C2orf76: variants seen among roughly 807,000 people sequenced by gnomAD.
The protein encoded by C2orf76 is chromosome 2 open reading frame 76.
A neutral mutation model predicts 16.9 loss-of-function variants in C2orf76; 23 were observed. The ratio of observed to expected loss-of-function variants is 1.36; its 90% confidence interval spans 0.98 to 1.93. C2orf76 has a LOEUF of 1.93. C2orf76 is among the 30% of genes most tolerant of loss of function. The probability of loss-of-function intolerance (pLI) is 0.00; values close to 1 mark genes in which losing one functional copy is unlikely to be tolerated. For synonymous variants in C2orf76, 48 were observed against 52.3 expected (o/e 0.92, Z 0.35); for missense variants, 152 against 152.6 (o/e 1.00, Z 0.02).
At chr2:119,330,083 G>C (rs1350904403) in intron 2 of C2orf76, among the ~76,000 whole-genome samples, 1 of 151,970 alleles carries the variant, frequency 6.6e-6, no homozygotes, top group East Asian at 1.9e-4. Context: ...CTTTAAAGAA[G>C]TTACTCCAGG....
chr2:119,352,180 G>C (rs1458426067), intron 1 of C2orf76, among the ~76,000 whole-genome samples: 1 of 152,184 alleles, frequency 6.6e-6, no homozygotes, highest in Non-Finnish European at 1.5e-5. Context: ...TTATGCTTAT[G>C]ACCAGAATTT....
intron 2 of C2orf76, among the ~76,000 whole-genome samples, chr2:119,339,413 T>C (rs1679952456): frequency 6.6e-6 from 1 of 152,164 alleles, no homozygotes; most frequent in African/African-American, 2.4e-5. Flanking sequence ...CATGACTTCC[T>C]GCTGTACAGC....
chr2:119,363,250 C>A (rs1045562578), intron 1 of C2orf76, among the ~76,000 whole-genome samples: 1 of 152,036 alleles, frequency 6.6e-6, no homozygotes, highest in Non-Finnish European at 1.5e-5. Context: ...CAGTGAAACC[C>A]CGTCTCTACC....
At chr2:119,336,123 A>T (rs1181780160) in intron 2 of C2orf76, among the ~76,000 whole-genome samples, 2 of 152,178 alleles carry the variant, frequency 1.3e-5, no homozygotes, top group African/African-American at 4.8e-5. Context: ...GGCCAGGTAC[A>T]GTGACTCACA....
At chr2:119,311,918 G>A (rs939680508) in intron 4 of C2orf76, among the ~76,000 whole-genome samples, 1 of 152,082 alleles carries the variant, frequency 6.6e-6, no homozygotes, top group Admixed American at 6.5e-5. Flanking sequence ...TGTGGCATGG[G>A]CGTGAAGTCA....
chr2:119,361,573 T>TTAA (rs1366691890), intron 1 of C2orf76, among the ~76,000 whole-genome samples: 1 of 152,098 alleles, frequency 6.6e-6, no homozygotes, highest in Non-Finnish European at 1.5e-5. Flanking sequence ...AACCTAGAGA[T>TTAA]TATTTAAAGT....
the C2orf76 span, among the ~76,000 whole-genome samples, chr2:119,289,802 C>G: frequency 6.6e-6 from 1 of 151,862 alleles, no homozygotes; most frequent in Non-Finnish European, 1.5e-5. Flanking sequence ...TCTCAGGCCC[C>G]GCTCGTAGCC....
At chr2:119,286,734 G>A in the C2orf76 span, among the ~76,000 whole-genome samples, 8 of 152,170 alleles carry the variant, frequency 5.3e-5, no homozygotes, top group South Asian at 4.1e-4. Flanking sequence ...CTCGGTGGAT[G>A]AGAGTCTGCA....
At chr2:119,319,404 C>T (rs1679277290) in intron 3 of C2orf76, among the ~76,000 whole-genome samples, 1 of 152,154 alleles carries the variant, frequency 6.6e-6, no homozygotes, top group Non-Finnish European at 1.5e-5. Flanking sequence ...TAAGCTGCTT[C>T]CCTTGTTCTT....
chr2:119,321,923 A>G (rs779519481), intron 2 of C2orf76, among the ~76,000 whole-genome samples: 24 of 151,944 alleles, frequency 1.6e-4, no homozygotes, highest in Non-Finnish European at 7.4e-5. Context: ...GTCTTTGGCC[A>G]TTAGTGGAAA....
At position 119,311,673 on chromosome 2, in the gene C2orf76, C is replaced by A; in HGVS notation, c.253G>T (p.Asp85Tyr). The change falls in exon 5 of 6, where the codon GAC becomes TAC. Residue 85 changes from aspartate (D) to tyrosine (Y), a missense_variant. Coordinates refer to ENST00000334816, the MANE Select transcript of C2orf76 (RefSeq NM_001322331.2). ...TNELVLSLED[D>Y]ERLLLKEDST... is the part of the protein sequence containing the mutation. ...TCTTCTTTCAGCAGGAGTCTTTCGT[C>A]ATCTTCCAAACTCAACACAAGTTCA... is the stretch of plus-strand genomic sequence containing the variant. 6.2e-7 allele frequency: 1 copy of A among 1,612,124 alleles called. No homozygotes were observed. The highest frequency in any genetic ancestry group is 8.5e-7 in the Non-Finnish European group (1 of 1,179,728).
chr2:119,321,265 A>C (rs1679333579), intron 2 of C2orf76, 61 bp from the exon 3 acceptor site: 1 of 906,824 alleles, frequency 1.1e-6, no homozygotes, highest in Admixed American at 2.5e-5. Flanking sequence ...GAATATGCAC[A>C]GTCTTTTGGT....
chr2:119,338,255 A>C (rs901060666), intron 2 of C2orf76, among the ~76,000 whole-genome samples: 6 of 152,214 alleles, frequency 3.9e-5, no homozygotes, highest in African/African-American at 1.4e-4. Context: ...GCCTAAAATC[A>C]GGACATATAA....
the C2orf76 span, among the ~76,000 whole-genome samples, chr2:119,294,434 A>G: frequency 6.6e-6 from 1 of 152,146 alleles, no homozygotes; most frequent in South Asian, 2.1e-4. Context: ...TTCGGAAGGG[A>G]GAGCTGTCCG....
At chr2:119,366,678 T>C in intron 1 of C2orf76, 112 bp downstream of exon 1, 1 of 462,104 alleles carries the variant, frequency 2.2e-6, no homozygotes, top group Non-Finnish European at 4.0e-6. Context: ...TTCTTCGGTC[T>C]CCGTCCCCTC....
Position 119,321,260 on chromosome 2 carries a change from T to C in C2orf76, c.134-56A>G, listed in dbSNP as rs144180701. On this transcript the variant is annotated intron_variant, in intron 2 of 5. Transcript: ENST00000334816. ...TAAGCAAATAGACACTCATAGAATA[T>C]GCACAGTCTTTTGGTTCTATTCTTT... 4,436 of 929,874 alleles carry C rather than the reference T, an allele frequency of 4.8e-3. 20 individuals are homozygous for C. The highest frequency in any genetic ancestry group is 6.3e-3 in the Non-Finnish European group (3,776 of 602,078). 57.6% of individuals were successfully genotyped at this position (929,874 alleles called of 1,614,324 possible).
At chr2:119,287,426 G>A in the C2orf76 span, among the ~76,000 whole-genome samples, 13 of 151,772 alleles carry the variant, frequency 8.6e-5, no homozygotes, top group South Asian at 2.1e-4. Flanking sequence ...CATACACACC[G>A]CCCGAGACCC....
the C2orf76 span, among the ~76,000 whole-genome samples, chr2:119,284,233 G>T: frequency 2.0e-5 from 3 of 152,186 alleles, no homozygotes; most frequent in Non-Finnish European, 2.9e-5. Flanking sequence ...CTGACCACGA[G>T]GGAATGTCAC....
At chr2:119,360,096 G>A (rs1680695795) in intron 1 of C2orf76, among the ~76,000 whole-genome samples, 1 of 152,180 alleles carries the variant, frequency 6.6e-6, no homozygotes, top group Non-Finnish European at 1.5e-5. Context: ...TCAACATTGA[G>A]GCAAGACCCT....
Sources: gnomAD v4.1 joint callset for allele counts (sites outside exome capture counted in the v4.1 genomes callset) on GRCh38, gnomAD v4.1.1 for gene constraint, MANE v1.5 for transcripts, NCBI Gene and HGNC (gene_info 2026-07-23, HGNC 2026-07-21) for gene names.